CDK19: variants seen among roughly 807,000 people sequenced by gnomAD.
CDK19 encodes the protein cyclin dependent kinase 19, also known as cyclin-dependent kinase 19.
In CDK19, 20 loss-of-function variants were observed where a neutral mutation model predicts 68.3. The ratio of observed to expected loss-of-function variants is 0.29; its 90% CI spans 0.21 to 0.43. The LOEUF (loss-of-function observed/expected upper bound fraction) is 0.43. CDK19 is among the 20% of genes least tolerant of loss of function. CDK19 has a pLI of 1.00. For missense variants in CDK19, 339 were observed against 623.5 expected (o/e 0.54, Z 4.86); for synonymous variants, 221 against 222.8 (o/e 0.99, Z 0.07).
At chr6:110,623,908 TA>T (rs1778915678) in intron 8 of CDK19, among the ~76,000 whole-genome samples, 1 of 132,716 alleles carries the variant, frequency 7.5e-6, no homozygotes, top group South Asian at 2.4e-4. Context: ...TATATATATA[TA>T]CGTATATATA....
At chr6:110,623,650 C>T (rs1455634068) in intron 8 of CDK19, among the ~76,000 whole-genome samples, 2 of 151,444 alleles carry the variant, frequency 1.3e-5, no homozygotes, top group African/African-American at 4.9e-5. Flanking sequence ...CATTTCTAGG[C>T]ACATACCTGA....
At chr6:110,668,827 C>T (rs1249918987) in intron 3 of CDK19, among the ~76,000 whole-genome samples, 6 of 146,038 alleles carry the variant, frequency 4.1e-5, no homozygotes, top group Non-Finnish European at 6.0e-5. Flanking sequence ...AGTGAAACTC[C>T]GTTTCAAAAA....
chr6:110,632,483 C>G (rs1167833922), intron 5 of CDK19, among the ~76,000 whole-genome samples: 2 of 152,232 alleles, frequency 1.3e-5, no homozygotes, highest in African/African-American at 4.8e-5. Flanking sequence ...ATAATCCCAG[C>G]ACTCTGGGAG....
At chr6:110,697,524 T>C (rs1773581058) in intron 2 of CDK19, among the ~76,000 whole-genome samples, 2 of 151,932 alleles carry the variant, frequency 1.3e-5, no homozygotes, top group African/African-American at 4.8e-5. Context: ...CATGAACAAA[T>C]GGAAACACAT....
At chr6:110,642,468 T>A (rs1220400706) in intron 4 of CDK19, among the ~76,000 whole-genome samples, 1 of 151,790 alleles carries the variant, frequency 6.6e-6, no homozygotes, top group African/African-American at 2.4e-5. Flanking sequence ...ACAGGAAAAA[T>A]CCTTGCCCTC....
At position 110,667,545 on chromosome 6, in the gene CDK19, T is replaced by C; in HGVS notation, c.345A>G (p.Lys115=). 6.4e-7 allele frequency: 1 copy of C among 1,571,022 alleles called. No individual in the cohort carries two copies. Among genetic ancestry groups the C allele is most frequent in the South Asian group, 1.2e-5 (1 of 83,198 alleles). The stretch of plus-strand genomic sequence containing the variant: ...GCAACTGCATGGGCTTTTTATTTGC[T>C]TTTGATGCACGGTGAAACTTAATAA... ...WHIIKFHRAS[K]ANKKPMQLPR... is the part of the protein sequence containing the mutation. Residue 115 remains lysine (K), a synonymous_variant, in exon 4 of 13, where the codon AAA becomes AAG. Transcript: ENST00000368911.
intron 1 of CDK19, among the ~76,000 whole-genome samples, chr6:110,777,149 T>A (rs1173537634): frequency 6.6e-6 from 1 of 152,190 alleles, no homozygotes. Flanking sequence ...TATATATTCC[T>A]CAGCATATGC....
intron 2 of CDK19, among the ~76,000 whole-genome samples, chr6:110,687,721 A>T (rs1251658261): frequency 2.6e-5 from 4 of 152,252 alleles, no homozygotes; most frequent in Non-Finnish European, 5.9e-5. Flanking sequence ...TTAATTTTTT[A>T]AAAGAGCTAT....
chr6:110,717,473 G>A (rs1775497921), intron 2 of CDK19, among the ~76,000 whole-genome samples: 2 of 152,096 alleles, frequency 1.3e-5, no homozygotes, highest in African/African-American at 4.8e-5. Flanking sequence ...ATGAGATAGA[G>A]AAATAAATTC....
chr6:110,790,152 A>G (rs778424631), intron 1 of CDK19, among the ~76,000 whole-genome samples: 11 of 152,226 alleles, frequency 7.2e-5, no homozygotes, highest in Non-Finnish European at 1.5e-4. Context: ...TTTGAACCAG[A>G]TAAGATTCCA....
chr6:110,759,283 T>C (rs911005294), intron 1 of CDK19, among the ~76,000 whole-genome samples: 3 of 149,712 alleles, frequency 2.0e-5, no homozygotes, highest in Non-Finnish European at 4.4e-5. Context: ...CGGGTGCCTG[T>C]AGTCCCAGCT....
intron 12 of CDK19, among the ~76,000 whole-genome samples, chr6:110,619,965 T>C (rs1169133061): frequency 6.6e-6 from 1 of 152,226 alleles, no homozygotes; most frequent in Non-Finnish European, 1.5e-5. Flanking sequence ...TGAACCAGTA[T>C]ATAGTAAGCA....
intron 2 of CDK19, among the ~76,000 whole-genome samples, chr6:110,690,256 T>C (rs980039756): frequency 1.3e-5 from 2 of 151,944 alleles, no homozygotes; most frequent in African/African-American, 2.4e-5. Flanking sequence ...GCATAAGAGG[T>C]AGAGTCACAA....
chr6:110,632,047 T>C lies in CDK19; in HGVS notation c.629A>G (p.His210Arg). Residue 210 changes from histidine (H) to arginine (R), a missense_variant, in exon 6 of 13, where the codon CAT becomes CGT. By Grantham distance (29) the His-to-Arg change is conservative (BLOSUM62 0). Coordinates refer to ENST00000368911, the MANE Select transcript of CDK19 (RefSeq NM_015076.5). ...RAPELLLGARHYTKAIDIWAI... is the reference protein window; with the variant it reads ...RAPELLLGARRYTKAIDIWAI... ...CAACTTACCAATGGCCTTTGTATAATGCCTTGCACCAAGCAAAAGTTCTGG... is the reference window on the plus strand; with the variant it reads ...CAACTTACCAATGGCCTTTGTATAACGCCTTGCACCAAGCAAAAGTTCTGG... The C allele has an allele frequency of 1.9e-6, 3 of 1,609,722 alleles. No individual in the cohort carries two copies. Among genetic ancestry groups the C allele is most frequent in the Non-Finnish European group, 2.5e-6 (3 of 1,176,802 alleles).
chr6:110,723,048 A>T (rs532649914), intron 2 of CDK19, among the ~76,000 whole-genome samples: 21 of 149,746 alleles, frequency 1.4e-4, no homozygotes, highest in Admixed American at 6.1e-4. Flanking sequence ...CAAGAGGTGA[A>T]GTCTAATTCC....
chr6:110,690,129 A>G (rs1772853406), intron 2 of CDK19, among the ~76,000 whole-genome samples: 1 of 152,134 alleles, frequency 6.6e-6, no homozygotes, highest in Admixed American at 6.5e-5. Context: ...TCAACACTGC[A>G]GACAGTTAGG....
In CDK19 at chr6:110,815,216, G is replaced by A. The variant is rs1198885203; in HGVS notation, c.-80C>T. The stretch of plus-strand genomic sequence containing the variant: ...TCCTCCTCCTCCCCCCGCGACCGCC[G>A]CTCCACTTCTCCAACAGCCGCCTCT... On this transcript the variant is annotated 5_prime_UTR_variant, in exon 1 of 13. Coordinates refer to ENST00000368911, the MANE Select transcript of CDK19 (RefSeq NM_015076.5). 5.4e-5 allele frequency: 75 copies of A among 1,388,154 alleles called. No individual in the cohort carries two copies. Among genetic ancestry groups the A allele is most frequent in the Non-Finnish European group, 6.7e-5 (72 of 1,067,244 alleles). 86.0% of individuals were successfully genotyped at this position (1,388,154 alleles called of 1,614,324 possible). A position where few individuals can be genotyped will look rare whatever the true frequency, so the allele number is the denominator to read the frequency against.
chr6:110,629,000 C>T (rs1325854781), intron 6 of CDK19, among the ~76,000 whole-genome samples: 1 of 152,184 alleles, frequency 6.6e-6, no homozygotes, highest in Non-Finnish European at 1.5e-5. Flanking sequence ...GAATTCTTTT[C>T]TGTCTCCCAT....
chr6:110,655,606 T>C (rs997030211), intron 4 of CDK19, among the ~76,000 whole-genome samples: 3 of 152,156 alleles, frequency 2.0e-5, no homozygotes, highest in South Asian at 2.1e-4. Flanking sequence ...TGAACTTGCA[T>C]TGACGCTCTC....
Sources: allele counts gnomAD v4.1 joint callset (sites outside exome capture counted in the v4.1 genomes callset), GRCh38; gene constraint gnomAD v4.1.1; transcripts MANE v1.5; gene names NCBI Gene and HGNC (gene_info 2026-07-23, HGNC 2026-07-21).